Variants in SRGAP3 observed in about 807,000 individuals in gnomAD.
The protein encoded by SRGAP3 is SLIT-ROBO Rho GTPase-activating protein 3.
A neutral mutation model predicts 121.1 loss-of-function variants in SRGAP3; 39 were observed. The observed-to-expected ratio is 0.32, with a 90% CI of 0.25 to 0.42. The LOEUF (loss-of-function observed/expected upper bound fraction) is 0.42. SRGAP3 is among the 10% of genes least tolerant of loss of function. The pLI is 1.00. For missense variants in SRGAP3, 1,213 were observed against 1,470.6 expected (o/e 0.82, Z 2.86); for synonymous variants, 601 against 570.0 (o/e 1.05, Z -0.77).
intron 1 of SRGAP3, among the ~76,000 whole-genome samples, chr3:9,360,606 C>A (rs1575036440): frequency 6.6e-6 from 1 of 152,274 alleles, no homozygotes; most frequent in Non-Finnish European, 1.5e-5. Flanking sequence ...CATGTGGCTA[C>A]GGAGGCCTCA....
chr3:9,118,200 G>A (rs1464415676), intron 2 of SRGAP3, among the ~76,000 whole-genome samples: 2 of 152,102 alleles, frequency 1.3e-5, no homozygotes, highest in Non-Finnish European at 2.9e-5. Context: ...CTTTCAGAAA[G>A]AAGTCAACAG....
rs559806391 is a variant in SRGAP3, at chr3:9,318,050, T to C, written n.442+7960A>G. The stretch of plus-strand genomic sequence containing the variant: ...CCCTATCCGACTAGAGTGGCAAATA[T>C]ATAACCTCCGCTAATTTGAAATCTT... On this transcript the variant is annotated intron_variant and non_coding_transcript_variant, in intron 3 of 3. Transcript: ENST00000490889. Among the ~76,000 whole-genome samples, 5 of 152,214 alleles carry C rather than the reference T, an allele frequency of 3.3e-5. No individual in the cohort carries two copies. The East Asian group carries it at 9.7e-4, about 29-fold the overall frequency.
chr3:9,178,976 C>T (rs868363314), intron 1 of SRGAP3, among the ~76,000 whole-genome samples: 1 of 152,152 alleles, frequency 6.6e-6, no homozygotes, highest in African/African-American at 2.4e-5. Context: ...GAGGCCCTGC[C>T]CATCTTACCT....
chr3:9,033,278 G>C (rs547403446), intron 11 of SRGAP3, among the ~76,000 whole-genome samples: 1 of 152,296 alleles, frequency 6.6e-6, no homozygotes, highest in Non-Finnish European at 1.5e-5. Flanking sequence ...TGATCTAAGA[G>C]CCAGGCAATT....
At chr3:9,291,638 A>G (rs993004914) in intron 3 of SRGAP3, among the ~76,000 whole-genome samples, 15 of 151,826 alleles carry the variant, frequency 9.9e-5, no homozygotes, top group Non-Finnish European at 1.3e-4. Flanking sequence ...ACACACACGC[A>G]CACACATTTG....
At chr3:9,209,585 T>G (rs745997054) in intron 1 of SRGAP3, among the ~76,000 whole-genome samples, 1 of 152,220 alleles carries the variant, frequency 6.6e-6, no homozygotes, top group South Asian at 2.1e-4. Context: ...TATTGAAATT[T>G]CAAAGGTTTA....
intron 3 of SRGAP3, among the ~76,000 whole-genome samples, chr3:9,081,891 C>T (rs1178998461): frequency 6.6e-6 from 1 of 152,176 alleles, no homozygotes; most frequent in Admixed American, 6.5e-5. Context: ...GAAATCCTAA[C>T]CCCCAATGTG....
intron 1 of SRGAP3, among the ~76,000 whole-genome samples, chr3:9,340,644 G>A (rs1440281558): frequency 6.6e-6 from 1 of 151,268 alleles, no homozygotes; most frequent in Non-Finnish European, 1.5e-5. Flanking sequence ...ATATGCTCTG[G>A]GAAAACCAAC....
chr3:9,300,380 T>C (rs1955036335), intron 3 of SRGAP3, among the ~76,000 whole-genome samples: 1 of 151,760 alleles, frequency 6.6e-6, no homozygotes. Flanking sequence ...CCACCTTGCC[T>C]GCCTGAGAAA....
At chr3:9,202,994 A>G (rs1952120871) in intron 1 of SRGAP3, among the ~76,000 whole-genome samples, 1 of 152,220 alleles carries the variant, frequency 6.6e-6, no homozygotes, top group South Asian at 2.1e-4. Context: ...CCCTAGCTTC[A>G]GCAACCCTTG....
intron 3 of SRGAP3, among the ~76,000 whole-genome samples, chr3:9,082,423 C>A (rs1947287356): frequency 6.6e-6 from 1 of 152,240 alleles, no homozygotes; most frequent in Non-Finnish European, 1.5e-5. Flanking sequence ...AGAGATTGCC[C>A]TCTATGAACC....
intron 1 of SRGAP3, among the ~76,000 whole-genome samples, chr3:9,248,416 G>A (rs543620293): frequency 1.3e-5 from 2 of 152,192 alleles, no homozygotes; most frequent in South Asian, 2.1e-4. Flanking sequence ...TGTGAATTCC[G>A]GCCCAGAGAA....
At chr3:9,308,705 A>G (rs1955196525) in intron 3 of SRGAP3, among the ~76,000 whole-genome samples, 1 of 152,206 alleles carries the variant, frequency 6.6e-6, no homozygotes, top group African/African-American at 2.4e-5. Context: ...AAGTATTTCT[A>G]TAAAAGGAAG....
At chr3:9,353,744 A>G (rs1297232444) in intron 1 of SRGAP3, among the ~76,000 whole-genome samples, 1 of 152,236 alleles carries the variant, frequency 6.6e-6, no homozygotes, top group Non-Finnish European at 1.5e-5. Context: ...TTTCATTAAT[A>G]AGATTATATT....
At chr3:9,133,983 T>C (rs1338600324) in intron 1 of SRGAP3, among the ~76,000 whole-genome samples, 1 of 152,174 alleles carries the variant, frequency 6.6e-6, no homozygotes. Flanking sequence ...CTCTCTACTT[T>C]TGGAATGTTT....
At chr3:9,125,439 G>T (rs2075337) in intron 1 of SRGAP3, among the ~76,000 whole-genome samples, 36,372 of 152,144 alleles carry the variant, frequency 0.24, 4,691 homozygotes, top group Middle Eastern at 0.4. Flanking sequence ...GAAAACGGCA[G>T]TGTGACTTTC....
intron 12 of SRGAP3, among the ~76,000 whole-genome samples, chr3:9,029,032 T>C (rs180998445): frequency 1.3e-5 from 2 of 152,278 alleles, no homozygotes; most frequent in African/African-American, 2.4e-5. Context: ...GTGTGCCTTC[T>C]AGCTAGAGTC....
At chr3:9,039,459 C>T (rs1441750184) in intron 10 of SRGAP3, among the ~76,000 whole-genome samples, 3 of 152,194 alleles carry the variant, frequency 2.0e-5, no homozygotes, top group Admixed American at 2.0e-4. Context: ...AGATGCACTG[C>T]AATCTTTTAT....
chr3:9,327,052 C>T (rs1448040820), intron 2 of SRGAP3, among the ~76,000 whole-genome samples: 1 of 151,654 alleles, frequency 6.6e-6, no homozygotes, highest in Non-Finnish European at 1.5e-5. Context: ...ACATAAAAAT[C>T]ATTTTTAAAA....
Sources: allele counts gnomAD v4.1 joint callset (sites outside exome capture counted in the v4.1 genomes callset), GRCh38; gene constraint gnomAD v4.1.1; transcripts MANE v1.5; gene names NCBI Gene and HGNC (gene_info 2026-07-23, HGNC 2026-07-21).